The following CREM variants were observed in gnomAD, a reference collection of about 807,000 sequenced individuals.
The protein encoded by CREM is cAMP responsive element modulator.
CREM carries 13 observed loss-of-function variants against 37.3 expected under a neutral mutation model. The ratio of observed to expected loss-of-function variants is 0.35; its 90% CI spans 0.23 to 0.55. CREM has a LOEUF of 0.55. CREM is among the 20% of genes least tolerant of loss of function. The pLI is 0.88. For missense variants in CREM, 296 were observed against 362.3 expected (o/e 0.82, Z 1.49); for synonymous variants, 124 against 120.2 (o/e 1.03, Z -0.21).
chr10:35,195,099 C>T, intron 6 of CREM: 2 of 1,367,570 alleles, frequency 1.5e-6, no homozygotes, highest in Non-Finnish European at 2.1e-6. Flanking sequence ...GTCAGTCCTC[C>T]TGCTTATCCT....
chr10:35,203,537 C>G (rs1246884275), intron 6 of CREM, among the ~76,000 whole-genome samples: 2 of 151,916 alleles, frequency 1.3e-5, no homozygotes, highest in Non-Finnish European at 2.9e-5. Context: ...ACTAAACATA[C>G]AAAAATTAGC....
intron 1 of CREM, among the ~76,000 whole-genome samples, chr10:35,129,390 C>T (rs2088855189): frequency 6.6e-6 from 1 of 152,088 alleles, no homozygotes; most frequent in Admixed American, 6.5e-5. Flanking sequence ...TGAGTCACTG[C>T]CTAATCAAAA....
intron 6 of CREM, among the ~76,000 whole-genome samples, chr10:35,194,765 A>G (rs2095077378): frequency 6.6e-6 from 1 of 150,982 alleles, no homozygotes; most frequent in South Asian, 2.1e-4. Flanking sequence ...TAAATCTCCA[A>G]GTGTTTTTTC....
At chr10:35,206,103 C>G (rs2095513774) in intron 6 of CREM, among the ~76,000 whole-genome samples, 2 of 151,972 alleles carry the variant, frequency 1.3e-5, no homozygotes, top group Non-Finnish European at 2.9e-5. Flanking sequence ...AAAAAATTAG[C>G]CAGGCGTGGT....
At chr10:35,201,141 T>C (rs2095370611) in intron 6 of CREM, among the ~76,000 whole-genome samples, 1 of 152,200 alleles carries the variant, frequency 6.6e-6, no homozygotes, top group Admixed American at 6.5e-5. Flanking sequence ...CGATATATAA[T>C]TTTATAAGTT....
intron 3 of CREM, among the ~76,000 whole-genome samples, chr10:35,155,207 G>T (rs997441488): frequency 1.3e-5 from 2 of 152,140 alleles, no homozygotes; most frequent in African/African-American, 4.8e-5. Flanking sequence ...ATGAGGTTTG[G>T]ATACTCGTAG....
intron 7 of CREM, among the ~76,000 whole-genome samples, chr10:35,209,740 T>G (rs904462391): frequency 6.6e-6 from 1 of 152,234 alleles, no homozygotes; most frequent in African/African-American, 2.4e-5. Flanking sequence ...TAAATGAATT[T>G]CAGTGCCTTT....
intron 7 of CREM, among the ~76,000 whole-genome samples, chr10:35,208,605 C>T (rs7922030): frequency 1.3e-5 from 2 of 152,160 alleles, no homozygotes; most frequent in Admixed American, 6.5e-5. Context: ...CTCCCGCTCC[C>T]GGCTGTGTCA....
intron 6 of CREM, among the ~76,000 whole-genome samples, chr10:35,204,471 G>A (rs2095470453): frequency 6.6e-6 from 1 of 152,010 alleles, no homozygotes; most frequent in African/African-American, 2.4e-5. Flanking sequence ...ATGATGGCGC[G>A]TGCCTGTAAT....
chr10:35,127,861 T>G (rs1428917810), intron 1 of CREM, among the ~76,000 whole-genome samples: 1 of 151,974 alleles, frequency 6.6e-6, no homozygotes, highest in Non-Finnish European at 1.5e-5. Flanking sequence ...ATACTTTTTT[T>G]TTTTGAGACG....
At chr10:35,196,625 T>C (rs1564956392) in intron 6 of CREM, 1 of 152,734 alleles carries the variant, frequency 6.5e-6, no homozygotes, top group Non-Finnish European at 1.5e-5. Context: ...CTAGAGATGC[T>C]ATAGACTGCA....
At position 35,186,743 on chromosome 10, in the gene CREM, TATA is replaced by T. The variant is rs1446435026; in HGVS notation, c.410-1454_410-1452del. ...ATAACTATATATAATTATATATAGT[TATA>T]ATTATATATAGTTATATATAATATA... On this transcript the variant is annotated intron_variant, in intron 5 of 7. Coordinates refer to ENST00000685392, the MANE Select transcript of CREM (RefSeq NM_183011.2). 7.2e-4 allele frequency among the ~76,000 whole-genome samples: 96 copies of T among 133,206 alleles called. No individual in the cohort carries two copies. The East Asian group carries it at 0.014, about 20-fold the overall frequency. 87.4% of individuals were successfully genotyped at this position (133,206 alleles called of 152,430 possible).
chr10:35,143,312 G>A (rs549658828), intron 2 of CREM, among the ~76,000 whole-genome samples: 1 of 152,302 alleles, frequency 6.6e-6, no homozygotes, highest in East Asian at 1.9e-4. Flanking sequence ...GCTGAATAGG[G>A]TGGGAAGTGA....
intron 6 of CREM, among the ~76,000 whole-genome samples, chr10:35,204,530 T>C (rs1179222898): frequency 1.4e-5 from 2 of 142,496 alleles, no homozygotes; most frequent in African/African-American, 2.6e-5. Flanking sequence ...AACCAGGGAG[T>C]AGAAGGTTGC....
intron 3 of CREM, among the ~76,000 whole-genome samples, chr10:35,156,217 G>A (rs1455991780): frequency 6.6e-6 from 1 of 151,282 alleles, no homozygotes; most frequent in East Asian, 1.9e-4. Flanking sequence ...AGGATTACAG[G>A]CGTGAGCCAC....
At chr10:35,210,437 C>T (rs968575524) in intron 7 of CREM, 1 of 152,158 alleles carries the variant, frequency 6.6e-6, no homozygotes, top group African/African-American at 2.4e-5. Context: ...GGCTACTGGT[C>T]TGTTCTTTCA....
intron 6 of CREM, among the ~76,000 whole-genome samples, chr10:35,203,362 A>C (rs1259901437): frequency 1.3e-5 from 2 of 152,070 alleles, no homozygotes; most frequent in East Asian, 1.9e-4. Context: ...TTCATTGTTC[A>C]CCTGTGACTA....
intron 1 of CREM, among the ~76,000 whole-genome samples, chr10:35,129,086 C>A (rs1038834219): frequency 2.0e-5 from 3 of 152,174 alleles, no homozygotes; most frequent in African/African-American, 7.2e-5. Context: ...ATTCACACAA[C>A]TTTGGCGAAT....
At chr10:35,128,368 G>C (rs1484073215) in intron 1 of CREM, among the ~76,000 whole-genome samples, 1 of 152,062 alleles carries the variant, frequency 6.6e-6, no homozygotes, top group Non-Finnish European at 1.5e-5. Flanking sequence ...TTAATTTGCC[G>C]GGCAGATGAG....
Sources: gnomAD v4.1 joint callset for allele counts (sites outside exome capture counted in the v4.1 genomes callset) on GRCh38, gnomAD v4.1.1 for gene constraint, MANE v1.5 for transcripts, NCBI Gene and HGNC (gene_info 2026-07-23, HGNC 2026-07-21) for gene names.